Variants in B9D1 observed in about 807,000 individuals in gnomAD.
B9D1 encodes the protein B9 domain containing 1.
Under a neutral mutation model 26.1 loss-of-function variants are expected in B9D1, and 20 were observed. The ratio of observed to expected loss-of-function variants is 0.77; its 90% CI spans 0.54 to 1.12. The LOEUF is 1.12. Ranked by LOEUF, B9D1 falls within the 50% of genes most tolerant of loss-of-function variation. The pLI is 0.00. For missense variants in B9D1, 260 were observed against 273.7 expected, an observed-to-expected ratio of 0.95 and a Z score of 0.35; for synonymous variants, 105 against 103.1, an observed-to-expected ratio of 1.02 and a Z score of -0.11.
At chr17:19,374,940 T>A (rs1343654637) in intron 1 of B9D1, among the ~76,000 whole-genome samples, 1 of 152,196 alleles carries the variant, frequency 6.6e-6, no homozygotes, top group African/African-American at 2.4e-5. Context: ...GACTTTTGTT[T>A]AGAATATATA....
chr17:19,346,943 T>C, intron 5 of B9D1: 2 of 1,475,240 alleles, frequency 1.4e-6, no homozygotes, highest in Non-Finnish European at 1.8e-6. Flanking sequence ...TGACTCATAC[T>C]GCTATATCCT....
rs201805359 is a variant in B9D1, at chr17:19,343,480, C to T, written c.473-19G>A. On this transcript the variant is annotated intron_variant, in intron 6 of 6. Transcript: ENST00000261499. ...CGGGTCACTGGGGACAGAAGGGCAG[C>T]ATCAGCCAGGCTGGGCTGGGGCAGA... The T allele has an allele frequency of 1.2e-5, 20 of 1,614,006 alleles. No homozygotes were observed. The highest frequency in any genetic ancestry group is 1.7e-5 in the Non-Finnish European group (20 of 1,180,008).
chr17:19,344,033 G>C (rs1033785420), intron 5 of B9D1, among the ~76,000 whole-genome samples, 176 bp from the exon 6 acceptor site: 1 of 152,218 alleles, frequency 6.6e-6, no homozygotes, highest in Non-Finnish European at 1.5e-5. Flanking sequence ...GGGCTCCAGC[G>C]TGGGGTGTCC....
rs1440792433 is a variant in B9D1 at position 19,370,525 on chromosome 17, T to C, written c.-298+7334A>G. ...TTGGGGAATGTTCTGGGATGGGCGA[T>C]GTCAGCCTCAGTGTGTTTGCTCAGC... On this transcript the variant is annotated intron_variant, in intron 1 of 5. Coordinates refer to the B9D1 transcript ENST00000477478. This position sits in a 1 kb window ranked among gnomAD's most constrained non-coding sequence, Gnocchi z 5.1. 6.6e-6 allele frequency among the ~76,000 whole-genome samples: 1 copy of C among 152,214 alleles called. No individual in the cohort carries two copies. The highest frequency in any genetic ancestry group is 2.4e-5 in the African/African-American group (1 of 41,452).
At chr17:19,369,853 G>A (rs1443276971) in intron 1 of B9D1, among the ~76,000 whole-genome samples, 3 of 152,088 alleles carry the variant, frequency 2.0e-5, no homozygotes, top group East Asian at 1.9e-4. Context: ...GTGTGATTCC[G>A]CCCACCCCAT....
At chr17:19,371,352 T>C (rs1181918020) in intron 1 of B9D1, 1 of 152,220 alleles carries the variant, frequency 6.6e-6, no homozygotes, top group African/African-American at 2.4e-5. Context: ...GTTGTCTGTG[T>C]GTCAACGTGT....
Position 19,347,830 on chromosome 17 carries a change from C to T in B9D1, c.295G>A (p.Val99Met), listed in dbSNP as rs1470992949. ...VYGPDVFGND[V>M]VRGYGAVHVP... ...TGCACGGCCCCATAGCCTCGAACCA[C>T]ATCGTTCCCGAACACATCTGGTCCA... is the stretch of plus-strand genomic sequence containing the variant. Residue 99 changes from valine (V) to methionine (M), a missense_variant, in exon 4 of 7, where the codon GTG becomes ATG. Physicochemically the swap from Val to Met is conservative, Grantham distance 21 (BLOSUM62 1). Coordinates refer to ENST00000261499, the MANE Select transcript of B9D1 (RefSeq NM_015681.6). The surrounding 1 kb of genome is among the most constrained non-coding windows in gnomAD (Gnocchi z 4.3). 1 of 1,614,014 alleles carries T rather than the reference C, an allele frequency of 6.2e-7. No individual in the cohort carries two copies. Among genetic ancestry groups the T allele is most frequent in the Non-Finnish European group, 8.5e-7 (1 of 1,180,024 alleles).
downstream of B9D1, among the ~76,000 whole-genome samples, chr17:19,338,561 C>T (rs778509645): frequency 3.9e-5 from 6 of 152,348 alleles, no homozygotes; most frequent in Admixed American, 2.6e-4. Context: ...GTGTGGTCTC[C>T]GTCACCTGAT....
At chr17:19,342,532 C>T (rs549807519), downstream of B9D1, among the ~76,000 whole-genome samples, 24 of 152,124 alleles carry the variant, frequency 1.6e-4, no homozygotes, top group Non-Finnish European at 3.1e-4. Context: ...TCGTGAGGTG[C>T]GAGGGGTTCT....
Position 19,370,848 on chromosome 17 carries a change from C to T in B9D1, c.-298+7011G>A, listed in dbSNP as rs1175583125. Among the ~76,000 whole-genome samples, 3 of 152,200 alleles carry T rather than the reference C, an allele frequency of 2.0e-5. No homozygotes were observed. Among genetic ancestry groups the T allele is most frequent in the Non-Finnish European group, 2.9e-5 (2 of 68,034 alleles). On this transcript the variant is annotated intron_variant, in intron 1 of 5. Transcript: ENST00000477478. The surrounding 1 kb of genome is among the most constrained non-coding windows in gnomAD (Gnocchi z 5.1). ...GGCCTCAGGGGCAGTCCCTTTCCCA[C>T]GGGGAGGGCCGCATGCAAATGCCAC...
chr17:19,375,320 A>G (rs1490835556), intron 1 of B9D1, among the ~76,000 whole-genome samples: 4 of 152,120 alleles, frequency 2.6e-5, no homozygotes, highest in Non-Finnish European at 5.9e-5. Flanking sequence ...AAAGGATTTG[A>G]ATAGATATTG....
chr17:19,338,721 TGGG>T (rs1354793749), downstream of B9D1, among the ~76,000 whole-genome samples: 1 of 152,142 alleles, frequency 6.6e-6, no homozygotes, highest in Non-Finnish European at 1.5e-5. Context: ...AGAGGCCACA[TGGG>T]GGAGAACGGA....
chr17:19,337,453 C>T (rs1165602117), downstream of B9D1: 4 of 423,380 alleles, frequency 9.4e-6, no homozygotes, highest in Non-Finnish European at 1.7e-5. Context: ...CTGGGACTGC[C>T]CTGCAGCCCT....
downstream of B9D1, chr17:19,334,774 T>C (rs1266273169): frequency 6.5e-6 from 1 of 153,220 alleles, no homozygotes; most frequent in African/African-American, 2.4e-5. The surrounding 1 kb of genome is among the most constrained non-coding windows in gnomAD (Gnocchi z 4.9). Context: ...CGTGGACAAC[T>C]CTTGAATTAA....
chr17:19,347,639 C>G lies in B9D1; in HGVS notation c.341+145G>C, dbSNP rs1909008863. 5 of 835,536 alleles carry G rather than the reference C, an allele frequency of 6.0e-6. No homozygotes were observed. The highest frequency in any genetic ancestry group is 9.8e-6 in the Non-Finnish European group (5 of 507,622). The allele number at this position is 835,536 out of a possible 1,614,324, so 51.8% of individuals were successfully genotyped here. A position where few individuals can be genotyped will look rare whatever the true frequency, so the allele number is the denominator to read the frequency against. On this transcript the variant is annotated intron_variant, in intron 4 of 6. Transcript: ENST00000261499. This position sits in a 1 kb window ranked among gnomAD's most constrained non-coding sequence, Gnocchi z 4.3. The stretch of plus-strand genomic sequence containing the variant: ...GAAAGGTTCTCCTCCCAAATACAGG[C>G]TACAACCCCCCTGGCCACCAGGCTG...
upstream of B9D1, chr17:19,363,522 AGTCAG>A (rs1911390957): frequency 6.6e-6 from 1 of 152,282 alleles, no homozygotes; most frequent in South Asian, 2.1e-4. Flanking sequence ...TAAGTAGCTA[AGTCAG>A]GATTCAAACC....
chr17:19,337,247 C>CAGCT (rs71155392), downstream of B9D1, among the ~76,000 whole-genome samples: 146,132 of 152,216 alleles, frequency 0.96, 70,546 homozygotes, highest in African/African-American at 0.99. Context: ...TGCTGTGCAA[C>CAGCT]AGCTGACCGA....
At chr17:19,357,382 G>A (rs986797281) in intron 3 of B9D1, among the ~76,000 whole-genome samples, 5 of 152,226 alleles carry the variant, frequency 3.3e-5, no homozygotes, top group South Asian at 2.1e-4. Context: ...GACATAGGAC[G>A]TGGGAATGGT....
rs774883190 is a variant in B9D1, at chr17:19,362,583, G to T, written c.-14C>A. The T allele has an allele frequency of 1.3e-6, 2 of 1,587,794 alleles. No homozygotes were observed. The highest frequency in any genetic ancestry group is 3.5e-5 in the Admixed American group (2 of 56,846). ...CGCGGTCGCCATGGCAGGTCTGGGG[G>T]TGCCGGGGGGACCCACCTAGGCCGC... On this transcript the variant is annotated 5_prime_UTR_variant, in exon 1 of 7. Coordinates refer to ENST00000261499, the MANE Select transcript of B9D1 (RefSeq NM_015681.6).
Sources: gnomAD v4.1 joint callset for allele counts (sites outside exome capture counted in the v4.1 genomes callset) on GRCh38, gnomAD v4.1.1 for gene constraint, Gnocchi (gnomAD v3.1) non-coding constraint, MANE v1.5 for transcripts, NCBI Gene and HGNC (gene_info 2026-07-23, HGNC 2026-07-21) for gene names.